Variants in NCALD observed in about 807,000 individuals in gnomAD.
NCALD encodes neurocalcin-delta.
Under a neutral mutation model 18.6 loss-of-function variants are expected in NCALD, and 10 were observed. The ratio of observed to expected loss-of-function variants is 0.54; its 90% confidence interval spans 0.33 to 0.91. The LOEUF is 0.91. Among genes scored for constraint, NCALD ranks in the 40% least tolerant of loss-of-function variants. The probability of loss-of-function intolerance (pLI) is 0.03; values close to 1 mark genes in which losing one functional copy is unlikely to be tolerated. For missense variants in NCALD, 184 were observed against 247.6 expected, an observed-to-expected ratio of 0.74 and a Z score of 1.72; for synonymous variants, 88 against 87.4, an observed-to-expected ratio of 1.01 and a Z score of -0.04.
chr8:101,859,479 A>C (rs1292344849), intron 4 of NCALD, among the ~76,000 whole-genome samples: 1 of 152,144 alleles, frequency 6.6e-6, no homozygotes, highest in Admixed American at 6.5e-5. Flanking sequence ...CCCTCTAGAG[A>C]ACCCTGACTA....
At chr8:101,702,735 G>T (rs115466564) in intron 2 of NCALD, among the ~76,000 whole-genome samples, 6 of 152,196 alleles carry the variant, frequency 3.9e-5, no homozygotes, top group Admixed American at 2.6e-4. Context: ...AGGCTGCTCC[G>T]CAGAAGTGGC....
rs142350437 is a variant in NCALD, at chr8:102,000,461, T to C, written c.-157+19776A>G. 4.9e-3 allele frequency among the ~76,000 whole-genome samples: 752 copies of C among 152,278 alleles called. 11 individuals carry two copies. The highest frequency in any genetic ancestry group is 0.017 in the African/African-American group (700 of 41,558). On this transcript the variant is annotated intron_variant, in intron 2 of 6. Coordinates refer to the NCALD transcript ENST00000311028. ...AGACTCCACTTCTGGGGGTGGGGCA[T>C]AGCCAAACAAAAGGCAGCAGAAACC... is the stretch of plus-strand genomic sequence containing the variant.
intron 4 of NCALD, among the ~76,000 whole-genome samples, chr8:101,847,803 T>C (rs1353886060): frequency 6.6e-6 from 1 of 152,110 alleles, no homozygotes; most frequent in African/African-American, 2.4e-5. Flanking sequence ...CTCCCAGGTG[T>C]CCTGAGGAGC....
intron 1 of NCALD, among the ~76,000 whole-genome samples, chr8:102,105,881 G>C (rs541029475): frequency 1.1e-4 from 16 of 152,070 alleles, no homozygotes; most frequent in Non-Finnish European, 1.8e-4. Flanking sequence ...AGTAAAATGG[G>C]AATAATAACA....
chr8:101,728,556 C>G (rs1816672820), intron 1 of NCALD, among the ~76,000 whole-genome samples: 1 of 152,202 alleles, frequency 6.6e-6, no homozygotes, highest in South Asian at 2.1e-4. Flanking sequence ...GGGCGTAGCT[C>G]ATGCCTGTAA....
upstream of NCALD, among the ~76,000 whole-genome samples, chr8:101,794,660 AT>A (rs1329415173): frequency 2.0e-5 from 3 of 152,210 alleles, no homozygotes; most frequent in African/African-American, 7.2e-5. Flanking sequence ...TCTAAGTACT[AT>A]ACATTTATTA....
At chr8:101,856,566 A>G (rs964610214) in intron 4 of NCALD, among the ~76,000 whole-genome samples, 1 of 152,188 alleles carries the variant, frequency 6.6e-6, no homozygotes, top group African/African-American at 2.4e-5. Context: ...AAGAAAAAAA[A>G]AGAAAACTGC....
chr8:101,979,729 A>G lies in NCALD; in HGVS notation c.-157+40508T>C, dbSNP rs543755813. Among the ~76,000 whole-genome samples, 4 of 152,380 alleles carry G rather than the reference A, an allele frequency of 2.6e-5. No individual in the cohort carries two copies. The South Asian group carries it at 6.2e-4, about 24-fold the overall frequency. The stretch of plus-strand genomic sequence containing the variant: ...AAGAAGTGTGATTGAGTTAGACTGT[A>G]ACAGCTCAAATCATTATAAAACAGA... On this transcript the variant is annotated intron_variant, in intron 2 of 6. Transcript: ENST00000311028.
Position 101,689,228 on chromosome 8 carries a change from C to CAAAAA in NCALD, c.*76_*80dup. 1 of 1,170,716 alleles carries CAAAAA rather than the reference C, an allele frequency of 8.5e-7. No homozygotes were observed. The highest frequency in any genetic ancestry group is 1.2e-6 in the Non-Finnish European group (1 of 839,458). The allele number at this position is 1,170,716 out of a possible 1,614,324, so 72.5% of individuals were successfully genotyped here. ...CGGCATCACCATTGATATTGTTTGG[C>CAAAAA]AAAAAAAAAAAAAAATTGTTAAAAA... On this transcript the variant is annotated 3_prime_UTR_variant, in exon 4 of 4. Coordinates refer to ENST00000220931, the MANE Select transcript of NCALD (RefSeq NM_032041.3). The surrounding 1 kb of genome is among the most constrained non-coding windows in gnomAD (Gnocchi z 4.4).
At chr8:101,789,476 A>G (rs1812369272) in intron 1 of NCALD, among the ~76,000 whole-genome samples, 7 of 152,192 alleles carry the variant, frequency 4.6e-5, no homozygotes, top group Admixed American at 4.6e-4. Context: ...TGATATACCC[A>G]CAGTTATTCA....
Position 101,726,860 on chromosome 8 carries a change from G to A in NCALD, c.-19-7212C>T, listed in dbSNP as rs772320797. Among the ~76,000 whole-genome samples, 70 of 152,236 alleles carry A rather than the reference G, an allele frequency of 4.6e-4. 1 individual carries two copies. Among genetic ancestry groups the A allele is most frequent in the African/African-American group, 1.1e-3 (44 of 41,538 alleles). ...AAGTGAATGTGTATACTGTTTCTAC[G>A]CAAACACCAGATGACAGCACCAAAG... On this transcript the variant is annotated intron_variant, in intron 1 of 3. Transcript: ENST00000220931.
At chr8:101,914,899 A>G (rs1297571066) in intron 3 of NCALD, among the ~76,000 whole-genome samples, 1 of 152,208 alleles carries the variant, frequency 6.6e-6, no homozygotes, top group Non-Finnish European at 1.5e-5. Flanking sequence ...AGAAACCAAG[A>G]TCTGGGAAAC....
intron 3 of NCALD, among the ~76,000 whole-genome samples, chr8:101,900,986 T>C (rs765689098): frequency 6.6e-6 from 1 of 152,086 alleles, no homozygotes; most frequent in African/African-American, 2.4e-5. Context: ...CTATCAGTTT[T>C]GTTTCACATA....
intron 3 of NCALD, among the ~76,000 whole-genome samples, chr8:101,904,657 T>A (rs1049549093): frequency 6.6e-6 from 1 of 152,110 alleles, no homozygotes; most frequent in African/African-American, 2.4e-5. Context: ...TACAATTCTA[T>A]CTCTCTCCTC....
intron 1 of NCALD, among the ~76,000 whole-genome samples, chr8:101,753,336 C>T (rs558419126): frequency 6.6e-6 from 1 of 152,226 alleles, no homozygotes; most frequent in Admixed American, 6.5e-5. Flanking sequence ...TGGACAAAGG[C>T]CAATGTGAAT....
chr8:102,120,064 C>T (rs1274852295), intron 1 of NCALD, among the ~76,000 whole-genome samples: 3 of 152,242 alleles, frequency 2.0e-5, no homozygotes, highest in African/African-American at 7.2e-5. Flanking sequence ...AGTAATTCTA[C>T]TAAGTGCATA....
intron 1 of NCALD, among the ~76,000 whole-genome samples, chr8:101,756,527 G>A (rs1288352041): frequency 6.6e-6 from 1 of 152,216 alleles, no homozygotes; most frequent in Non-Finnish European, 1.5e-5. Context: ...AGCAGTCTAT[G>A]CTATGCATTT....
intron 4 of NCALD, among the ~76,000 whole-genome samples, chr8:101,831,386 C>T (rs1814179518): frequency 6.6e-6 from 1 of 152,170 alleles, no homozygotes; most frequent in Non-Finnish European, 1.5e-5. Flanking sequence ...GGATTATCTT[C>T]ACCTAGGTTC....
intron 3 of NCALD, among the ~76,000 whole-genome samples, chr8:101,898,130 A>C (rs1817277884): frequency 6.6e-6 from 1 of 152,218 alleles, no homozygotes; most frequent in Non-Finnish European, 1.5e-5. Context: ...TGAATCAATT[A>C]AACTTCTTTC....
Sources: allele counts gnomAD v4.1 joint callset (sites outside exome capture counted in the v4.1 genomes callset), GRCh38; gene constraint gnomAD v4.1.1; non-coding constraint Gnocchi (gnomAD v3.1); transcripts MANE v1.5; gene names NCBI Gene and HGNC (gene_info 2026-07-23, HGNC 2026-07-21).